MAGI2: variants seen among roughly 807,000 people sequenced by gnomAD.
MAGI2 encodes membrane-associated guanylate kinase, WW and PDZ domain-containing protein 2.
In MAGI2, 35 loss-of-function variants were observed where a neutral mutation model predicts 133.3. The observed-to-expected ratio is 0.26, with a 90% CI of 0.20 to 0.35. MAGI2 has a LOEUF of 0.35. Among genes scored for constraint, MAGI2 ranks in the 10% least tolerant of loss-of-function variants. The pLI is 1.00. For missense variants in MAGI2, 1,636 were observed against 1,863.4 expected (o/e 0.88, Z 2.25); for synonymous variants, 729 against 710.6 (o/e 1.03, Z -0.41).
At chr7:78,718,191 AC>A (rs1236042025) in intron 2 of MAGI2, among the ~76,000 whole-genome samples, 2 of 152,188 alleles carry the variant, frequency 1.3e-5, no homozygotes, top group African/African-American at 4.8e-5. Flanking sequence ...AAAACTTATA[AC>A]GCTGTTTCAG....
At chr7:78,201,619 G>C (rs915634003) in intron 10 of MAGI2, among the ~76,000 whole-genome samples, 3 of 152,182 alleles carry the variant, frequency 2.0e-5, no homozygotes, top group South Asian at 4.1e-4. Flanking sequence ...TGCTTTATGT[G>C]GTTAAAAATC....
chr7:78,410,285 C>G (rs1313921316), intron 6 of MAGI2, among the ~76,000 whole-genome samples: 1 of 152,056 alleles, frequency 6.6e-6, no homozygotes, highest in African/African-American at 2.4e-5. Context: ...AAATAATCTG[C>G]TGTTATAACT....
At chr7:79,276,971 A>C (rs1835275080) in intron 1 of MAGI2, among the ~76,000 whole-genome samples, 1 of 151,608 alleles carries the variant, frequency 6.6e-6, no homozygotes, top group African/African-American at 2.4e-5. Flanking sequence ...TAAAATAATA[A>C]TAATAATAAT....
intron 6 of MAGI2, among the ~76,000 whole-genome samples, chr7:78,428,458 G>A (rs143555257): frequency 6.6e-6 from 1 of 152,216 alleles, no homozygotes; most frequent in East Asian, 1.9e-4. Context: ...GATAATTTTA[G>A]TGTCTTGGAG....
At chr7:78,857,037 G>T (rs1334628845) in intron 2 of MAGI2, among the ~76,000 whole-genome samples, 1 of 152,170 alleles carries the variant, frequency 6.6e-6, no homozygotes, top group Non-Finnish European at 1.5e-5. Context: ...GTTCACTCAT[G>T]ATTTGGCTCT....
At chr7:78,740,799 G>A (rs1440573883) in intron 2 of MAGI2, among the ~76,000 whole-genome samples, 2 of 152,158 alleles carry the variant, frequency 1.3e-5, no homozygotes, top group Admixed American at 1.3e-4. Context: ...AAGGATATGT[G>A]AAAGCAAACA....
intron 9 of MAGI2, among the ~76,000 whole-genome samples, chr7:78,273,811 GTTTAT>G (rs1794807577): frequency 6.6e-6 from 1 of 152,032 alleles, no homozygotes; most frequent in Non-Finnish European, 1.5e-5. Context: ...TCTCTAAACT[GTTTAT>G]TTTGGTTAGC....
At chr7:79,317,793 C>T (rs1176349403) in intron 1 of MAGI2, among the ~76,000 whole-genome samples, 1 of 152,076 alleles carries the variant, frequency 6.6e-6, no homozygotes, top group Non-Finnish European at 1.5e-5. Context: ...GCCATGAAGG[C>T]TTCTTGGGGA....
chr7:79,039,854 AT>A (rs1339158428), intron 1 of MAGI2, among the ~76,000 whole-genome samples: 5 of 144,960 alleles, frequency 3.4e-5, no homozygotes, highest in Middle Eastern at 3.6e-3. Context: ...ATACATATAT[AT>A]TATATATATA....
chr7:78,700,883 A>T (rs1199868735), intron 2 of MAGI2, among the ~76,000 whole-genome samples: 2 of 151,726 alleles, frequency 1.3e-5, no homozygotes, highest in Non-Finnish European at 2.9e-5. Context: ...TTACTTAAGC[A>T]AATGGAAAAA....
chr7:78,969,280 A>G (rs1402106655), intron 2 of MAGI2, among the ~76,000 whole-genome samples: 2 of 152,046 alleles, frequency 1.3e-5, no homozygotes, highest in African/African-American at 4.8e-5. Flanking sequence ...CCTGGGCCTT[A>G]TGTAAATCAA....
chr7:79,147,755 C>A (rs377148310), intron 1 of MAGI2, among the ~76,000 whole-genome samples: 1 of 144,854 alleles, frequency 6.9e-6, no homozygotes, highest in Non-Finnish European at 1.5e-5. Flanking sequence ...GGGAATGGAG[C>A]AGGAGGGACA....
At chr7:79,165,159 GT>G (rs144369226) in intron 1 of MAGI2, among the ~76,000 whole-genome samples, 2,257 of 148,170 alleles carry the variant, frequency 0.015, 60 homozygotes, top group African/African-American at 0.051. Context: ...TTTCTTAAGT[GT>G]TTTTTTTGTT....
intron 13 of MAGI2, among the ~76,000 whole-genome samples, chr7:78,184,056 C>T (rs1827453571): frequency 6.6e-6 from 1 of 152,184 alleles, no homozygotes; most frequent in African/African-American, 2.4e-5. Context: ...AAAACTATTA[C>T]TTTGCATATA....
chr7:78,020,698 C>G (rs1808307252), intron 21 of MAGI2, among the ~76,000 whole-genome samples: 1 of 152,158 alleles, frequency 6.6e-6, no homozygotes, highest in Non-Finnish European at 1.5e-5. Flanking sequence ...TTGAGAAACA[C>G]TGGTCTGGGT....
chr7:78,939,809 T>C (rs1008920158), intron 2 of MAGI2: 1 of 152,162 alleles, frequency 6.6e-6, no homozygotes, highest in Non-Finnish European at 1.5e-5. Flanking sequence ...GGATTCACTG[T>C]TGCGACAACG....
chr7:79,028,935 TTTATACA>T (rs1189648898), intron 1 of MAGI2, among the ~76,000 whole-genome samples: 3 of 152,170 alleles, frequency 2.0e-5, no homozygotes, highest in African/African-American at 7.2e-5. Flanking sequence ...AATAATCAAC[TTTATACA>T]TTAACCAAAA....
chr7:78,896,216 T>G (rs1168855700), intron 2 of MAGI2, among the ~76,000 whole-genome samples: 2 of 152,132 alleles, frequency 1.3e-5, no homozygotes, highest in Non-Finnish European at 2.9e-5. Flanking sequence ...TTATTATATT[T>G]CAGAATCTAT....
chr7:79,095,559 G>A (rs1445007666), intron 1 of MAGI2, among the ~76,000 whole-genome samples: 1 of 152,126 alleles, frequency 6.6e-6, no homozygotes, highest in Non-Finnish European at 1.5e-5. Context: ...GGCTATTGTA[G>A]GCTTACTTAT....
Sources: gnomAD v4.1 joint callset for allele counts (sites outside exome capture counted in the v4.1 genomes callset) on GRCh38, gnomAD v4.1.1 for gene constraint, MANE v1.5 for transcripts, NCBI Gene and HGNC (gene_info 2026-07-23, HGNC 2026-07-21) for gene names.